Variants in SAPCD2 observed in about 807,000 individuals in gnomAD.
SAPCD2 encodes the protein suppressor APC domain containing 2, also known as suppressor APC domain-containing protein 2.
A neutral mutation model predicts 37.8 loss-of-function variants in SAPCD2; 34 were observed. The observed-to-expected ratio is 0.90, with a 90% CI of 0.68 to 1.20. The LOEUF is 1.20. Ranked by LOEUF, SAPCD2 falls within the 50% of genes most tolerant of loss-of-function variation. The pLI, the probability that SAPCD2 is intolerant of heterozygous loss-of-function variation, is 0.00. For synonymous variants in SAPCD2, 275 were observed against 270.3 expected (o/e 1.02, Z -0.17); for missense variants, 572 against 584.7 (o/e 0.98, Z 0.22).
In SAPCD2 at chr9:137,070,337, G is replaced by C. The variant is rs1351215304; in HGVS notation, c.124C>G (p.Arg42Gly). ...CGCAGGTGCACGCAGCCGCGCCGCC[G>C]GTCGTCCAGGATGTCGAACAGGGTG... ...LRTLFDILDDRRRGCVHLREI... is the reference protein window; with the variant it reads ...LRTLFDILDDGRRGCVHLREI... The change falls in exon 1 of 6, where the codon CGG becomes GGG. Residue 42 changes from arginine to glycine, a missense_variant. Transcript: ENST00000409687. 1 of 1,472,330 alleles carries C rather than the reference G, an allele frequency of 6.8e-7. No homozygotes were observed. Among genetic ancestry groups the C allele is most frequent in the Non-Finnish European group, 9.0e-7 (1 of 1,114,056 alleles). 91.2% of individuals were successfully genotyped at this position (1,472,330 alleles called of 1,614,324 possible). A position where few individuals can be genotyped will look rare whatever the true frequency, so the allele number is the denominator to read the frequency against.
rs1227962280 is a variant in SAPCD2, at chr9:137,065,615, C to G, written c.738G>C (p.Leu246Phe). Residue 246 changes from leucine (L) to phenylalanine (F), a missense_variant, in exon 3 of 6, where the codon TTG (leucine) becomes TTC (phenylalanine). Coordinates refer to ENST00000409687, the MANE Select transcript of SAPCD2 (RefSeq NM_178448.4). ...EQEKEVLLQG[L>F]EMMARGRDWY... ...AGTCGCGGCCCCGCGCCATCATCTC[C>G]AAACCCTGCAGCAGCACCTCCTTCT... The G allele has an allele frequency of 1.2e-6, 2 of 1,611,004 alleles. No homozygotes were observed. Among genetic ancestry groups the G allele is most frequent in the Non-Finnish European group, 1.7e-6 (2 of 1,178,206 alleles).
chr9:137,065,662 G>A lies in SAPCD2; in HGVS notation c.691C>T (p.Gln231Ter). The A allele has an allele frequency of 6.2e-7, 1 of 1,602,704 alleles. No individual in the cohort carries two copies. Among genetic ancestry groups the A allele is most frequent in the Non-Finnish European group, 8.5e-7 (1 of 1,172,240 alleles). ...ASGVDCGLLK[Q>*]MKELEQEKEV... ...TTCTCCTGCTCCAGCTCCTTCATCT[G>A]CTTCAGCTGCAATACGTGCATTTAC... The change falls in exon 3 of 6, where the codon CAG becomes TAG. Residue 231 changes from glutamine to a stop codon, truncating the protein, a stop_gained. Coordinates refer to ENST00000409687, the MANE Select transcript of SAPCD2 (RefSeq NM_178448.4). LOFTEE classifies it high-confidence loss of function.
rs1832475010 is a variant in SAPCD2 at position 137,062,511 on chromosome 9, T to G, written c.*2148A>C. ...GGGGCAGATTCTCAACTGGGGACAC[T>G]TCTGCCCCCAAGGACACATTTCAAC... On this transcript the variant is annotated 3_prime_UTR_variant, in exon 6 of 6. Coordinates refer to ENST00000409687, the MANE Select transcript of SAPCD2 (RefSeq NM_178448.4). 2 of 152,182 alleles carry G rather than the reference T, an allele frequency of 1.3e-5. No homozygotes were observed. The highest frequency in any genetic ancestry group is 2.9e-5 in the Non-Finnish European group (2 of 68,032). 9.4% of individuals were successfully genotyped at this position (152,182 alleles called of 1,614,324 possible).
chr9:137,066,462 A>C, intron 1 of SAPCD2, 88 bp from the exon 2 acceptor site: 1 of 1,014,292 alleles, frequency 9.9e-7, no homozygotes, highest in South Asian at 1.7e-5. Flanking sequence ...ATCTCAGCCC[A>C]CCCTCGAGGT....
Position 137,069,923 on chromosome 9 carries a change from C to T in SAPCD2, c.538G>A (p.Ala180Thr). Residue 180 changes from alanine (A) to threonine (T), a missense_variant, in exon 1 of 6, where the codon GCG becomes ACG. Coordinates refer to ENST00000409687, the MANE Select transcript of SAPCD2 (RefSeq NM_178448.4). ...GCGCTGGAGCTCGGTTCCAGCGCCG[C>T]GCTCTGGGACCGCTCGGGCTCCGCG... ...CPAEPERSQS[A>T]ALEPSSSADA... The T allele has an allele frequency of 7.8e-7, 1 of 1,276,474 alleles. No individual in the cohort carries two copies. 79.1% of individuals were successfully genotyped at this position (1,276,474 alleles called of 1,614,324 possible). A position where few individuals can be genotyped will look rare whatever the true frequency, so the allele number is the denominator to read the frequency against.
rs1042882285 is a variant in SAPCD2 at position 137,064,523 on chromosome 9, C to T, written c.*136G>A. On this transcript the variant is annotated 3_prime_UTR_variant, in exon 6 of 6. Coordinates refer to ENST00000409687, the MANE Select transcript of SAPCD2 (RefSeq NM_178448.4). The stretch of plus-strand genomic sequence containing the variant: ...TGGGGAGCCCATCTGGCAAGGGCGG[C>T]AGGAAGGCGCCCACTCCGGGACTGT... 15 of 1,034,542 alleles carry T rather than the reference C, an allele frequency of 1.4e-5. No homozygotes were observed. In the South Asian group the frequency reaches 2.2e-4, roughly 15 times the overall value. The allele number at this position is 1,034,542 out of a possible 1,614,324, so 64.1% of individuals were successfully genotyped here. A position where few individuals can be genotyped will look rare whatever the true frequency, so the allele number is the denominator to read the frequency against.
rs1361641742 is a variant in SAPCD2 at position 137,064,939 on chromosome 9, A to C, written c.980T>G (p.Leu327Arg). ...CCAGACCGGGGGTGAGGTGGACGTCAGGGCAGGGCAGGGGGGCCCGGAGGA... is the reference window on the plus strand; with the variant it reads ...CCAGACCGGGGGTGAGGTGGACGTCCGGGCAGGGCAGGGGGGCCCGGAGGA... Reference protein sequence around the residue: ...PSSSGPPCPALTSTSPPVWQQ... With the variant: ...PSSSGPPCPARTSTSPPVWQQ... Residue 327 changes from leucine (L) to arginine (R), a missense_variant, in exon 5 of 6, where the codon CTG (leucine) becomes CGG (arginine). By Grantham distance (102) the Leu-to-Arg change is moderately radical (BLOSUM62 -2). Transcript: ENST00000409687. The C allele has an allele frequency of 6.4e-7, 1 of 1,552,040 alleles. No homozygotes were observed. Among genetic ancestry groups the C allele is most frequent in the Admixed American group, 1.9e-5 (1 of 51,288 alleles).
chr9:137,070,406 G>T lies in SAPCD2; in HGVS notation c.55C>A (p.Pro19Thr). ...GCGCGCGGCAGCCCCTCCGTGCTGG[G>T]CGCGGGTGCGGGGGGAGGCACGCGG... Reference protein sequence around the residue: ...RGRVPPPAPAPSTEGLPRAFL... With the variant: ...RGRVPPPAPATSTEGLPRAFL... The change falls in exon 1 of 6, where the codon CCC (proline) becomes ACC (threonine). Residue 19 changes from proline to threonine, a missense_variant. Physicochemically the swap from Pro to Thr is conservative, Grantham distance 38 (BLOSUM62 -1). Transcript: ENST00000409687. 1 of 1,330,928 alleles carries T rather than the reference G, an allele frequency of 7.5e-7. No individual in the cohort carries two copies. Among genetic ancestry groups the T allele is most frequent in the East Asian group, 3.2e-5 (1 of 31,328 alleles). The allele number at this position is 1,330,928 out of a possible 1,614,324, so 82.4% of individuals were successfully genotyped here.
chr9:137,069,981 C>T lies in SAPCD2; in HGVS notation c.480G>A (p.Gln160=), dbSNP rs1832600357. 2.8e-5 allele frequency: 34 copies of T among 1,231,198 alleles called. No individual in the cohort carries two copies. Among genetic ancestry groups the T allele is most frequent in the South Asian group, 3.7e-5 (1 of 27,322 alleles). 76.3% of individuals were successfully genotyped at this position (1,231,198 alleles called of 1,614,324 possible). Residue 160 remains glutamine, a synonymous_variant, in exon 1 of 6, where the codon CAG becomes CAA. Transcript: ENST00000409687. ...GCGCCGCCTCAGCCGGGGCGCACAG[C>T]TGCTCCGGGCTGCGGGCGGCGGCGC... ...GPSAAARSPE[Q]LCAPAEAAPC...
In SAPCD2 at chr9:137,066,175, C is replaced by G. The variant is rs1588564241; in HGVS notation, c.684+87G>C. On this transcript the variant is annotated intron_variant, in intron 2 of 5. Coordinates refer to ENST00000409687, the MANE Select transcript of SAPCD2 (RefSeq NM_178448.4). Reference sequence around the variant, plus strand: ...TGACTGTACTTCCGCCATGGACTCCCCCAGGCTCAAGGCCCCCCTGCTCCC... The same window carrying G: ...TGACTGTACTTCCGCCATGGACTCCGCCAGGCTCAAGGCCCCCCTGCTCCC... The G allele has an allele frequency of 2.8e-6, 3 of 1,056,202 alleles. No individual in the cohort carries two copies. In the South Asian group the frequency reaches 4.1e-5, roughly 14 times the overall value. The allele number at this position is 1,056,202 out of a possible 1,614,324, so 65.4% of individuals were successfully genotyped here. A position where few individuals can be genotyped will look rare whatever the true frequency, so the allele number is the denominator to read the frequency against.
rs900621861 is a variant in SAPCD2, at chr9:137,062,551, C to T, written c.*2108G>A. The T allele has an allele frequency of 2.0e-5, 3 of 152,246 alleles. No homozygotes were observed. The highest frequency in any genetic ancestry group is 7.2e-5 in the African/African-American group (3 of 41,450). The allele number at this position is 152,246 out of a possible 1,614,324, so 9.4% of individuals were successfully genotyped here. On this transcript the variant is annotated 3_prime_UTR_variant, in exon 6 of 6. Coordinates refer to ENST00000409687, the MANE Select transcript of SAPCD2 (RefSeq NM_178448.4). ...CACATTTCAACATCCTGAGACATTT[C>T]CGGGTGTCATCACAGTGTGCACGCA...
In SAPCD2 at chr9:137,062,942, C is replaced by A. The variant is rs1349155688; in HGVS notation, c.*1717G>T. 1 of 152,262 alleles carries A rather than the reference C, an allele frequency of 6.6e-6. No homozygotes were observed. The allele number at this position is 152,262 out of a possible 1,614,324, so 9.4% of individuals were successfully genotyped here. A position where few individuals can be genotyped will look rare whatever the true frequency, so the allele number is the denominator to read the frequency against. On this transcript the variant is annotated 3_prime_UTR_variant, in exon 6 of 6. Transcript: ENST00000409687. ...GTCTCCTGATGAAGTCACCCCGGGA[C>A]AGACACTGTTCTGTCTCCTGCTTCC...
chr9:137,064,849 C>G lies in SAPCD2; in HGVS notation c.1056+14G>C, dbSNP rs374347323. ...CTCACCCCCACCCCTGCACCCCTCC[C>G]GCGCCTGCCCTACCTGGGTGAGGAG... is the stretch of plus-strand genomic sequence containing the variant. On this transcript the variant is annotated intron_variant, in intron 5 of 5. Coordinates refer to ENST00000409687, the MANE Select transcript of SAPCD2 (RefSeq NM_178448.4). 4 of 1,568,808 alleles carry G rather than the reference C, an allele frequency of 2.5e-6. No homozygotes were observed. The highest frequency in any genetic ancestry group is 2.3e-5 in the South Asian group (2 of 85,836).
Position 137,064,843 on chromosome 9 carries a change from C to T in SAPCD2, c.1056+20G>A. The T allele has an allele frequency of 6.4e-7, 1 of 1,569,968 alleles. No individual in the cohort carries two copies. The highest frequency in any genetic ancestry group is 8.6e-7 in the Non-Finnish European group (1 of 1,157,954). On this transcript the variant is annotated intron_variant, in intron 5 of 5. Transcript: ENST00000409687. ...CGGGGCCTCACCCCCACCCCTGCAC[C>T]CCTCCCGCGCCTGCCCTACCTGGGT... is the stretch of plus-strand genomic sequence containing the variant.
rs1832544555 is a variant in SAPCD2 at position 137,066,275 on chromosome 9, A to T, written c.671T>A (p.Val224Glu). The change falls in exon 2 of 6, where the codon GTG becomes GAG. Residue 224 changes from valine to glutamate, a missense_variant. By Grantham distance (121) the Val-to-Glu change is moderately radical. Coordinates refer to ENST00000409687, the MANE Select transcript of SAPCD2 (RefSeq NM_178448.4). ...GTCCCTGCTCACCAGGCCGCAGTCC[A>T]CGCCGCTGGCGATGGTGTGCCTCCG... is the stretch of plus-strand genomic sequence containing the variant. ...ERRRHTIASGVDCGLLKQMKE... is the reference protein window; with the variant it reads ...ERRRHTIASGEDCGLLKQMKE... 6.2e-7 allele frequency: 1 copy of T among 1,604,998 alleles called. No homozygotes were observed. Among genetic ancestry groups the T allele is most frequent in the Non-Finnish European group, 8.5e-7 (1 of 1,177,544 alleles).
chr9:137,067,993 G>A (rs1832574484), intron 1 of SAPCD2, among the ~76,000 whole-genome samples: 1 of 152,092 alleles, frequency 6.6e-6, no homozygotes, highest in African/African-American at 2.4e-5. Flanking sequence ...TACAGAAGTG[G>A]GTACAGGTGT....
rs113372403 is a variant in SAPCD2, at chr9:137,064,354, C to T, written c.*305G>A. The T allele has an allele frequency of 2.1e-3, 957 of 463,400 alleles. 8 individuals are homozygous for T. Among genetic ancestry groups the T allele is most frequent in the African/African-American group, 0.017 (864 of 49,984 alleles). 28.7% of individuals were successfully genotyped at this position (463,400 alleles called of 1,614,324 possible). A position where few individuals can be genotyped will look rare whatever the true frequency, so the allele number is the denominator to read the frequency against. On this transcript the variant is annotated 3_prime_UTR_variant, in exon 6 of 6. Coordinates refer to ENST00000409687, the MANE Select transcript of SAPCD2 (RefSeq NM_178448.4). ...ACCGCTGGAAACGGGGGGACGCTAA[C>T]TCATGGAGGGGTACCCCACTGTCCA... is the stretch of plus-strand genomic sequence containing the variant.
At position 137,064,113 on chromosome 9, in the gene SAPCD2, C is replaced by G. The variant is rs1832505251; in HGVS notation, c.*546G>C. The G allele has an allele frequency of 5.7e-6, 1 of 175,724 alleles. No individual in the cohort carries two copies. Among genetic ancestry groups the G allele is most frequent in the Non-Finnish European group, 1.2e-5 (1 of 81,664 alleles). The allele number at this position is 175,724 out of a possible 1,614,324, so 10.9% of individuals were successfully genotyped here. A position where few individuals can be genotyped will look rare whatever the true frequency, so the allele number is the denominator to read the frequency against. On this transcript the variant is annotated 3_prime_UTR_variant, in exon 6 of 6. Coordinates refer to ENST00000409687, the MANE Select transcript of SAPCD2 (RefSeq NM_178448.4). ...GTCCGACCGCTATCCCTGGGGCTCC[C>G]CAGCCAGGCAGGCACCCCCCGCTTA...
chr9:137,069,014 G>T (rs9411245), intron 1 of SAPCD2, among the ~76,000 whole-genome samples: 29,433 of 152,264 alleles, frequency 0.19, 3,515 homozygotes, highest in East Asian at 0.3. Context: ...AGGGAGGGTG[G>T]CAGAGCAGCA....
Sources: gnomAD v4.1 joint callset for allele counts (sites outside exome capture counted in the v4.1 genomes callset) on GRCh38, gnomAD v4.1.1 for gene constraint, MANE v1.5 for transcripts, NCBI Gene and HGNC (gene_info 2026-07-23, HGNC 2026-07-21) for gene names.